NCF2: variants seen among roughly 807,000 people sequenced by gnomAD.
The protein encoded by NCF2 is neutrophil cytosolic factor 2, also known as neutrophil cytosol factor 2.
NCF2 carries 45 observed loss-of-function variants against 70.9 expected under a neutral mutation model. That is an observed-to-expected ratio of 0.63 (90% CI 0.50 to 0.81). The LOEUF (loss-of-function observed/expected upper bound fraction) is 0.81. Ranked by LOEUF, NCF2 falls within the 40% of genes least tolerant of loss-of-function variation. NCF2 has a pLI of 0.00. For synonymous variants in NCF2, 203 were observed against 233.6 expected (o/e 0.87, Z 1.19); for missense variants, 522 against 631.6 (o/e 0.83, Z 1.86).
the NCF2 span, among the ~76,000 whole-genome samples, chr1:183,599,446 C>CTTTCTTTCTT: frequency 1.1e-5 from 1 of 94,160 alleles, no homozygotes; most frequent in African/African-American, 3.8e-5. Context: ...TTCTTTCTTT[C>CTTTCTTTCTT]TTTCTTTCTT....
chr1:183,598,700 G>T, the NCF2 span, among the ~76,000 whole-genome samples: 1 of 152,196 alleles, frequency 6.6e-6, no homozygotes, highest in Admixed American at 6.5e-5. Context: ...AGATGTCAGA[G>T]TGAAAGCAAA....
At chr1:183,599,441 T>TCTTTC in the NCF2 span, among the ~76,000 whole-genome samples, 4 of 98,830 alleles carry the variant, frequency 4.0e-5, no homozygotes, top group African/African-American at 1.5e-4. Context: ...TTTCTTTCTT[T>TCTTTC]CTTTCTTTCT....
At position 183,560,160 on chromosome 1, in the gene NCF2, A is replaced by G. The variant is rs1671977818; in HGVS notation, c.1404T>C (p.Tyr468=). 4 of 1,614,154 alleles carry G rather than the reference A, an allele frequency of 2.5e-6. No individual in the cohort carries two copies. Among genetic ancestry groups the G allele is most frequent in the African/African-American group, 2.7e-5 (2 of 75,056 alleles). Reference sequence around the variant, plus strand: ...CCAGGTCCTCTGGTTGGGTAGCCTCATAACTGAAGAGTGCCTCCACTTGGC... The same window carrying G: ...CCAGGTCCTCTGGTTGGGTAGCCTCGTAACTGAAGAGTGCCTCCACTTGGC... ...KGSQVEALFS[Y]EATQPEDLEF... Residue 468 remains tyrosine (Y), a synonymous_variant, in exon 14 of 15, where the codon TAT becomes TAC. Transcript: ENST00000367535.
chr1:183,577,535 G>A (rs1672849751), intron 3 of NCF2, 64 bp downstream of exon 3: 2 of 1,315,960 alleles, frequency 1.5e-6, no homozygotes, highest in African/African-American at 1.5e-5. Context: ...CTGTGCATCT[G>A]AACTGTCAGC....
chr1:183,566,197 T>A (rs1672291660), intron 9 of NCF2, among the ~76,000 whole-genome samples: 1 of 152,212 alleles, frequency 6.6e-6, no homozygotes. Context: ...CAGGGAGGGC[T>A]GAGCTCATAT....
At chr1:183,573,937 A>G (rs756293590) in intron 4 of NCF2, among the ~76,000 whole-genome samples, 13 of 152,196 alleles carry the variant, frequency 8.5e-5, no homozygotes, top group Non-Finnish European at 1.5e-4. Flanking sequence ...TAAAAATACA[A>G]AAATTAGCCA....
rs756610730 is a variant in NCF2, at chr1:183,569,165, T to C, written c.690A>G (p.Arg230=). The C allele has an allele frequency of 1.9e-6, 3 of 1,614,018 alleles. No individual in the cohort carries two copies. Among genetic ancestry groups the C allele is most frequent in the Non-Finnish European group, 2.5e-6 (3 of 1,180,014 alleles). ...LQPQAAEPPP[R]PKTPEIFRAL... ...ACCTGAAGATCTCTGGGGTTTTCGG[T>C]CTGGGTGGAGGCTCAGCTGCCTATT... is the stretch of plus-strand genomic sequence containing the variant. Residue 230 remains arginine, a synonymous_variant, in exon 7 of 15, where the codon AGA becomes AGG. Coordinates refer to ENST00000367535, the MANE Select transcript of NCF2 (RefSeq NM_000433.4).
At chr1:183,584,137 G>A (rs540256235) in intron 2 of NCF2, among the ~76,000 whole-genome samples, 2 of 152,342 alleles carry the variant, frequency 1.3e-5, no homozygotes, top group South Asian at 4.1e-4. Flanking sequence ...CCAGCCATAT[G>A]GGAGAGGGTG....
At chr1:183,588,331 C>T (rs566674275) in intron 1 of NCF2, among the ~76,000 whole-genome samples, 8 of 151,888 alleles carry the variant, frequency 5.3e-5, no homozygotes, top group South Asian at 2.1e-4. Context: ...CATCATTAGA[C>T]GGGCTTGGTG....
At position 183,555,633 on chromosome 1, in the gene NCF2, A is replaced by C. The variant is rs1204317714; in HGVS notation, c.*485T>G. 1 of 174,772 alleles carries C rather than the reference A, an allele frequency of 5.7e-6. No individual in the cohort carries two copies. Among genetic ancestry groups the C allele is most frequent in the Non-Finnish European group, 1.2e-5 (1 of 80,358 alleles). 10.8% of individuals were successfully genotyped at this position (174,772 alleles called of 1,614,324 possible). A position where few individuals can be genotyped will look rare whatever the true frequency, so the allele number is the denominator to read the frequency against. On this transcript the variant is annotated 3_prime_UTR_variant, in exon 15 of 15. Coordinates refer to ENST00000367535, the MANE Select transcript of NCF2 (RefSeq NM_000433.4). The stretch of plus-strand genomic sequence containing the variant: ...ACCTATAAGGTTACTTCAAGCCTTA[A>C]GAGCCAATTACAGTAATGGTTCAGA...
Position 183,573,195 on chromosome 1 carries a change from C to T in NCF2, c.599G>A (p.Gly200Asp). 1 of 1,614,080 alleles carries T rather than the reference C, an allele frequency of 6.2e-7. No homozygotes were observed. Among genetic ancestry groups the T allele is most frequent in the Non-Finnish European group, 8.5e-7 (1 of 1,179,982 alleles). ...VAQLAKKDYL[G>D]KATVVASVVD... ...AGCAATCCCACCTACCGTCGCCTTG[C>T]CTAGGTAATCCTTCTTGGCCAGCTG... The change falls in exon 5 of 15, where the codon GGC becomes GAC. Residue 200 changes from glycine (G) to aspartate (D), a missense_variant. Coordinates refer to ENST00000367535, the MANE Select transcript of NCF2 (RefSeq NM_000433.4).
At chr1:183,590,553 A>G, upstream of NCF2, 3 of 615,344 alleles carry the variant, frequency 4.9e-6, no homozygotes, top group South Asian at 3.5e-5. Context: ...CCCTACCATG[A>G]GAGAGAAAAG....
chr1:183,555,992 C>T lies in NCF2; in HGVS notation c.*126G>A. ...CATTGTCTAGTAGGTTAAATTTTAACAGGGAATAAATAGTTAACACTTCCA... is the reference window on the plus strand; with the variant it reads ...CATTGTCTAGTAGGTTAAATTTTAATAGGGAATAAATAGTTAACACTTCCA... On this transcript the variant is annotated 3_prime_UTR_variant, in exon 15 of 15. Coordinates refer to ENST00000367535, the MANE Select transcript of NCF2 (RefSeq NM_000433.4). The T allele has an allele frequency of 1.2e-6, 1 of 832,838 alleles. No homozygotes were observed. Among genetic ancestry groups the T allele is most frequent in the Admixed American group, 2.0e-5 (1 of 49,032 alleles). The allele number at this position is 832,838 out of a possible 1,614,324, so 51.6% of individuals were successfully genotyped here. A position where few individuals can be genotyped will look rare whatever the true frequency, so the allele number is the denominator to read the frequency against.
At chr1:183,597,326 G>C in the NCF2 span, among the ~76,000 whole-genome samples, 1 of 152,190 alleles carries the variant, frequency 6.6e-6, no homozygotes, top group Non-Finnish European at 1.5e-5. Flanking sequence ...CCAAGCCAGT[G>C]AGTATCTAAG....
rs965801039 is a variant in NCF2, at chr1:183,570,761, A to G, written c.669+19T>C. ...GCTCTCGAGACCTAGGTCCATGGAG[A>G]AGGTCAGGACTGCCTTACCTGTGGT... On this transcript the variant is annotated intron_variant, in intron 6 of 14. Coordinates refer to ENST00000367535, the MANE Select transcript of NCF2 (RefSeq NM_000433.4). 1.2e-6 allele frequency: 2 copies of G among 1,612,636 alleles called. No homozygotes were observed. The highest frequency in any genetic ancestry group is 1.7e-6 in the Non-Finnish European group (2 of 1,178,766).
intron 3 of NCF2, among the ~76,000 whole-genome samples, chr1:183,575,272 T>C (rs571016117): frequency 6.4e-4 from 97 of 152,290 alleles, no homozygotes; most frequent in Admixed American, 2.8e-3. Context: ...GAGTTTGAGA[T>C]CAGCCTGGCC....
chr1:183,598,908 G>A, the NCF2 span, among the ~76,000 whole-genome samples: 1 of 152,206 alleles, frequency 6.6e-6, no homozygotes, highest in Non-Finnish European at 1.5e-5. Flanking sequence ...CAGGATGTAT[G>A]GGCAAGTATG....
At position 183,585,746 on chromosome 1, in the gene NCF2, C is replaced by T. The variant is rs1673320405; in HGVS notation, c.257+1149G>A. On this transcript the variant is annotated intron_variant, in intron 2 of 14. Transcript: ENST00000367535. The stretch of plus-strand genomic sequence containing the variant: ...CATGCCCCAAAACATTTGAAATTAT[C>T]ACTTAGAATTTTTTTCCTTTGTTAT... 2.0e-5 allele frequency among the ~76,000 whole-genome samples: 3 copies of T among 152,080 alleles called. No individual in the cohort carries two copies. In the South Asian group the frequency reaches 6.2e-4, roughly 32 times the overall value.
intron 1 of NCF2, among the ~76,000 whole-genome samples, chr1:183,587,806 G>A (rs971855227): frequency 5.3e-5 from 8 of 151,962 alleles, no homozygotes; most frequent in African/African-American, 1.7e-4. Flanking sequence ...CCTTCTCTGA[G>A]ACTAGAATTC....
Sources: gnomAD v4.1 joint callset for allele counts (sites outside exome capture counted in the v4.1 genomes callset) on GRCh38, gnomAD v4.1.1 for gene constraint, MANE v1.5 for transcripts, NCBI Gene and HGNC (gene_info 2026-07-23, HGNC 2026-07-21) for gene names.